Variants in ADGRB3 observed in about 807,000 individuals in gnomAD.
ADGRB3 encodes the protein adhesion G protein-coupled receptor B3.
In ADGRB3, 37 loss-of-function variants were observed where a neutral mutation model predicts 193.4. The ratio of observed to expected loss-of-function variants is 0.19; its 90% CI spans 0.15 to 0.25. ADGRB3 has a LOEUF of 0.25. Among genes scored for constraint, ADGRB3 ranks in the 10% least tolerant of loss-of-function variants. The pLI, the probability that ADGRB3 is intolerant of heterozygous loss-of-function variation, is 1.00. For synonymous variants in ADGRB3, 690 were observed against 644.2 expected (o/e 1.07, Z -1.08); for missense variants, 1,637 against 1,852.9 (o/e 0.88, Z 2.14).
At chr6:69,200,628 C>A (rs1006470789) in intron 17 of ADGRB3, among the ~76,000 whole-genome samples, 2 of 152,150 alleles carry the variant, frequency 1.3e-5, no homozygotes, top group Admixed American at 6.6e-5. Context: ...ATCTAAGCAT[C>A]TGATGGAAGC....
chr6:69,048,408 A>G (rs2150301924), intron 14 of ADGRB3, 74 bp downstream of exon 14: 1 of 1,391,670 alleles, frequency 7.2e-7, no homozygotes, highest in Non-Finnish European at 9.9e-7. Context: ...TTAGGTATAA[A>G]TCTTCATACA....
At chr6:68,882,442 A>G (rs1450784655) in intron 3 of ADGRB3, among the ~76,000 whole-genome samples, 3 of 152,108 alleles carry the variant, frequency 2.0e-5, no homozygotes, top group Admixed American at 6.5e-5. Flanking sequence ...AGAGCTAGAG[A>G]TTTCCCTTTT....
chr6:68,936,812 C>T (rs1767497069), intron 5 of ADGRB3, 132 bp downstream of exon 5: 3 of 997,836 alleles, frequency 3.0e-6, no homozygotes, highest in Non-Finnish European at 2.8e-6. Flanking sequence ...AATTATTATT[C>T]AACTGTAATA....
chr6:68,947,649 A>G (rs1331801025), intron 6 of ADGRB3, among the ~76,000 whole-genome samples: 1 of 152,090 alleles, frequency 6.6e-6, no homozygotes, highest in Admixed American at 6.6e-5. Flanking sequence ...CTTTTAATAT[A>G]ATTGTGTCAC....
intron 3 of ADGRB3, among the ~76,000 whole-genome samples, chr6:68,775,112 C>A: frequency 7.1e-6 from 1 of 140,772 alleles, no homozygotes; most frequent in Admixed American, 7.6e-5. Flanking sequence ...TTCCATCAAA[C>A]CCTTACTTCC....
chr6:68,792,373 G>A (rs1209575368), intron 3 of ADGRB3, among the ~76,000 whole-genome samples: 1 of 152,152 alleles, frequency 6.6e-6, no homozygotes, highest in Non-Finnish European at 1.5e-5. Flanking sequence ...CATTGCTCCT[G>A]TCCTATGAGC....
At chr6:68,840,352 G>A (rs1343277078) in intron 3 of ADGRB3, among the ~76,000 whole-genome samples, 1 of 141,008 alleles carries the variant, frequency 7.1e-6, no homozygotes, top group Non-Finnish European at 1.5e-5. Flanking sequence ...GGGCAGTGGA[G>A]TAAGGCACTG....
chr6:69,014,724 T>C (rs1448747452), intron 12 of ADGRB3, among the ~76,000 whole-genome samples: 1 of 152,148 alleles, frequency 6.6e-6, no homozygotes, highest in East Asian at 1.9e-4. Flanking sequence ...GAAAAGTGGG[T>C]TAGAAGTCTA....
chr6:69,065,762 TATACACACACACAC>T (rs1014213460), intron 16 of ADGRB3, among the ~76,000 whole-genome samples: 1 of 124,688 alleles, frequency 8.0e-6, no homozygotes, highest in Non-Finnish European at 1.8e-5. Context: ...CATGTATATA[TATACACACACACAC>T]ACACACACAC....
At chr6:69,293,807 T>A (rs1163901626) in intron 20 of ADGRB3, among the ~76,000 whole-genome samples, 2 of 152,064 alleles carry the variant, frequency 1.3e-5, no homozygotes, top group African/African-American at 2.4e-5. Flanking sequence ...CCTACCCACC[T>A]GGAGCACAGT....
chr6:69,269,187 A>T (rs1767116832), intron 20 of ADGRB3, among the ~76,000 whole-genome samples: 1 of 152,156 alleles, frequency 6.6e-6, no homozygotes, highest in South Asian at 2.1e-4. Flanking sequence ...TAACTAGTAC[A>T]AGTCAGAATC....
chr6:69,053,122 G>T (rs1360056093), intron 15 of ADGRB3, among the ~76,000 whole-genome samples: 1 of 152,144 alleles, frequency 6.6e-6, no homozygotes, highest in Non-Finnish European at 1.5e-5. Context: ...AGAGGTGGAG[G>T]TTGCAGTGAG....
chr6:69,040,706 A>C (rs573280861), intron 13 of ADGRB3, among the ~76,000 whole-genome samples: 77 of 110,414 alleles, frequency 7.0e-4, no homozygotes, highest in African/African-American at 1.9e-3. Flanking sequence ...AAAAAAAAAA[A>C]AAACAAACAA....
chr6:69,231,390 A>T (rs760211695), intron 17 of ADGRB3, among the ~76,000 whole-genome samples: 1 of 152,236 alleles, frequency 6.6e-6, no homozygotes, highest in Non-Finnish European at 1.5e-5. Flanking sequence ...GAAAAGTGTA[A>T]GTACTGGACT....
intron 3 of ADGRB3, among the ~76,000 whole-genome samples, chr6:68,721,384 C>T (rs948772184): frequency 6.6e-6 from 1 of 151,444 alleles, no homozygotes; most frequent in African/African-American, 2.4e-5. Context: ...GGACAAAAAA[C>T]CAAACACTGC....
At chr6:69,159,518 T>A (rs979843442) in intron 17 of ADGRB3, among the ~76,000 whole-genome samples, 2 of 152,110 alleles carry the variant, frequency 1.3e-5, no homozygotes, top group Non-Finnish European at 2.9e-5. Context: ...AGTGAGTTCT[T>A]CTAGTTGGAA....
intron 6 of ADGRB3, among the ~76,000 whole-genome samples, chr6:68,951,309 G>C (rs1320263490): frequency 6.6e-6 from 1 of 152,168 alleles, no homozygotes; most frequent in Admixed American, 6.5e-5. Context: ...GAAATTAAGA[G>C]TTGGCTCTGT....
intron 8 of ADGRB3, among the ~76,000 whole-genome samples, chr6:68,962,070 A>G (rs1009390090): frequency 2.0e-5 from 3 of 152,194 alleles, no homozygotes; most frequent in Admixed American, 6.5e-5. Context: ...ACTGAGTTTA[A>G]TGGTGACAGT....
intron 3 of ADGRB3, among the ~76,000 whole-genome samples, chr6:68,791,792 T>G (rs1453868130): frequency 6.6e-6 from 1 of 152,212 alleles, no homozygotes; most frequent in African/African-American, 2.4e-5. Flanking sequence ...ATATTATGTT[T>G]AAATAAAGTA....
Sources: gnomAD v4.1 joint callset for allele counts (sites outside exome capture counted in the v4.1 genomes callset) on GRCh38, gnomAD v4.1.1 for gene constraint, MANE v1.5 for transcripts, NCBI Gene and HGNC (gene_info 2026-07-23, HGNC 2026-07-21) for gene names.